Variants in SH3BGRL2 observed in about 807,000 individuals in gnomAD.
SH3BGRL2 encodes the protein SH3 domain-binding glutamic acid-rich-like protein 2.
Under a neutral mutation model 14.8 loss-of-function variants are expected in SH3BGRL2, and 21 were observed. That is an observed-to-expected ratio of 1.42 (90% CI 1.01 to 2.05). The LOEUF is 2.05. SH3BGRL2 is among the 30% of genes most tolerant of loss of function. The pLI is 0.00. For missense variants in SH3BGRL2, 147 were observed against 130.8 expected (o/e 1.12, Z -0.61); for synonymous variants, 50 against 47.8 (o/e 1.05, Z -0.19).
chr6:79,542,124 C>T, the SH3BGRL2 span, among the ~76,000 whole-genome samples: 1 of 152,182 alleles, frequency 6.6e-6, no homozygotes, highest in Non-Finnish European at 1.5e-5. Flanking sequence ...TATCCCTCTT[C>T]TCTCCAGGAC....
At chr6:79,666,513 TG>T (rs1463358511) in intron 1 of SH3BGRL2, among the ~76,000 whole-genome samples, 2 of 152,174 alleles carry the variant, frequency 1.3e-5, no homozygotes, top group Non-Finnish European at 2.9e-5. Flanking sequence ...AGGCCAAGGA[TG>T]GTGTTTTATT....
chr6:79,677,905 A>G (rs770048074), intron 2 of SH3BGRL2, among the ~76,000 whole-genome samples: 1 of 152,146 alleles, frequency 6.6e-6, no homozygotes, highest in Non-Finnish European at 1.5e-5. Context: ...TTTATGATGA[A>G]TTGTAGTGTC....
chr6:79,554,160 A>G, the SH3BGRL2 span, among the ~76,000 whole-genome samples: 2,059 of 152,284 alleles, frequency 0.014, 52 homozygotes, highest in African/African-American at 0.047. Context: ...AGCTCAAAAT[A>G]TAATTCTCAA....
At chr6:79,651,051 A>G (rs912517782) in intron 1 of SH3BGRL2, among the ~76,000 whole-genome samples, 4 of 152,072 alleles carry the variant, frequency 2.6e-5, no homozygotes, top group Non-Finnish European at 4.4e-5. Context: ...ATCTGTTAGG[A>G]TAACTTTTCA....
upstream of SH3BGRL2, among the ~76,000 whole-genome samples, chr6:79,629,181 T>G (rs1276717455): frequency 6.6e-6 from 1 of 152,228 alleles, no homozygotes; most frequent in African/African-American, 2.4e-5. Flanking sequence ...TTTCTAAAAC[T>G]TAGAGCTATT....
the SH3BGRL2 span, among the ~76,000 whole-genome samples, chr6:79,621,634 G>A: frequency 6.6e-6 from 1 of 152,204 alleles, no homozygotes; most frequent in Non-Finnish European, 1.5e-5. Context: ...AATGATTGTG[G>A]CAGTCACTAT....
At chr6:79,583,036 C>T in the SH3BGRL2 span, among the ~76,000 whole-genome samples, 2 of 152,206 alleles carry the variant, frequency 1.3e-5, no homozygotes, top group African/African-American at 4.8e-5. Flanking sequence ...AAAAAATGCT[C>T]ATCATCACTG....
chr6:79,696,594 T>G (rs767949663), intron 3 of SH3BGRL2, 29 bp downstream of exon 3: 1 of 1,471,858 alleles, frequency 6.8e-7, no homozygotes, highest in Non-Finnish European at 9.2e-7. Context: ...ATTCTTGTTT[T>G]AGAATTCATC....
At chr6:79,603,253 C>G in the SH3BGRL2 span, among the ~76,000 whole-genome samples, 1 of 152,260 alleles carries the variant, frequency 6.6e-6, no homozygotes, top group Non-Finnish European at 1.5e-5. Context: ...CTGTCTACCT[C>G]CAGGAGAAGC....
chr6:79,597,198 C>T, the SH3BGRL2 span, among the ~76,000 whole-genome samples: 5 of 144,568 alleles, frequency 3.5e-5, no homozygotes, highest in Non-Finnish European at 7.5e-5. Flanking sequence ...CCACTGCAAT[C>T]CAGCCTGGGC....
chr6:79,648,257 T>C (rs1471312286), intron 1 of SH3BGRL2, among the ~76,000 whole-genome samples: 7 of 69,434 alleles, frequency 1.0e-4, no homozygotes, highest in Non-Finnish European at 2.1e-4. Context: ...TCTTTTGGCA[T>C]ATATATATAT....
chr6:79,538,219 C>T, the SH3BGRL2 span, among the ~76,000 whole-genome samples: 1 of 151,782 alleles, frequency 6.6e-6, no homozygotes, highest in Admixed American at 6.6e-5. Context: ...GGTGGTTTAA[C>T]ACTACTCTGG....
At chr6:79,649,967 ACTCT>A (rs67263724) in intron 1 of SH3BGRL2, among the ~76,000 whole-genome samples, 13 of 146,378 alleles carry the variant, frequency 8.9e-5, no homozygotes, top group Admixed American at 3.5e-4. Context: ...GTTCTTATGT[ACTCT>A]CTCTCTCTCT....
intron 1 of SH3BGRL2, among the ~76,000 whole-genome samples, chr6:79,656,682 T>A (rs549165775): frequency 6.6e-6 from 1 of 152,264 alleles, no homozygotes; most frequent in African/African-American, 2.4e-5. Flanking sequence ...AGCATTCACA[T>A]TGTATAAGGT....
chr6:79,583,017 C>G, the SH3BGRL2 span, among the ~76,000 whole-genome samples: 1 of 152,286 alleles, frequency 6.6e-6, no homozygotes, highest in Non-Finnish European at 1.5e-5. Flanking sequence ...ATGCAGCCAA[C>G]AGACACAGAA....
In SH3BGRL2 at chr6:79,631,381, G is replaced by A; in HGVS notation, c.-81G>A. The A allele has an allele frequency of 7.7e-7, 1 of 1,304,114 alleles. No homozygotes were observed. Among genetic ancestry groups the A allele is most frequent in the Non-Finnish European group, 1.0e-6 (1 of 984,228 alleles). The allele number at this position is 1,304,114 out of a possible 1,614,324, so 80.8% of individuals were successfully genotyped here. A position where few individuals can be genotyped will look rare whatever the true frequency, so the allele number is the denominator to read the frequency against. ...GCGCTTTACCCAGAGGCTGCCGGCGGCTCGTAGCTGGGTTCAGCTCTGCGT... is the reference window on the plus strand; with the variant it reads ...GCGCTTTACCCAGAGGCTGCCGGCGACTCGTAGCTGGGTTCAGCTCTGCGT... On this transcript the variant is annotated 5_prime_UTR_variant, in exon 1 of 4. Transcript: ENST00000369838.
At chr6:79,658,077 CA>C (rs1769460875) in intron 1 of SH3BGRL2, among the ~76,000 whole-genome samples, 1 of 152,130 alleles carries the variant, frequency 6.6e-6, no homozygotes, top group South Asian at 2.1e-4. Flanking sequence ...AACTGAAGAA[CA>C]GTAGACTGTA....
At chr6:79,560,867 CTTTTTTTTTTT>C in the SH3BGRL2 span, among the ~76,000 whole-genome samples, 22 of 45,788 alleles carry the variant, frequency 4.8e-4, no homozygotes, top group East Asian at 7.3e-3. Flanking sequence ...ACAATACACT[CTTTTTTTTTTT>C]TTTTTTTTTT....
At chr6:79,571,458 A>T in the SH3BGRL2 span, among the ~76,000 whole-genome samples, 1 of 152,174 alleles carries the variant, frequency 6.6e-6, no homozygotes, top group Admixed American at 6.5e-5. Context: ...CTGACAAATA[A>T]CCTAGACAGA....
Sources: allele counts gnomAD v4.1 joint callset (sites outside exome capture counted in the v4.1 genomes callset), GRCh38; gene constraint gnomAD v4.1.1; transcripts MANE v1.5; gene names NCBI Gene and HGNC (gene_info 2026-07-23, HGNC 2026-07-21).